Variants in TOX3 observed in about 807,000 individuals in gnomAD.
The protein encoded by TOX3 is TOX high mobility group box family member 3.
In TOX3, 22 loss-of-function variants were observed where a neutral mutation model predicts 64.3. The observed-to-expected ratio is 0.34, with a 90% CI of 0.24 to 0.49. The LOEUF is 0.49. Ranked by LOEUF, TOX3 falls within the 20% of genes least tolerant of loss-of-function variation. The pLI, the probability that TOX3 is intolerant of heterozygous loss-of-function variation, is 0.99. For missense variants in TOX3, 661 were observed against 714.4 expected (o/e 0.93, Z 0.85); for synonymous variants, 291 against 273.6 (o/e 1.06, Z -0.63).
chr16:52,447,523 A>G (rs1960197975), intron 4 of TOX3, among the ~76,000 whole-genome samples: 1 of 152,174 alleles, frequency 6.6e-6, no homozygotes, highest in Non-Finnish European at 1.5e-5. Flanking sequence ...CCTCTAGGTG[A>G]GCCTACTGTT....
chr16:52,547,632 T>C (rs1389737863), upstream of TOX3: 2 of 152,080 alleles, frequency 1.3e-5, no homozygotes, highest in Non-Finnish European at 2.9e-5. Flanking sequence ...CTTTCGAATG[T>C]CCCCTGCGTG....
At chr16:52,480,881 C>T (rs76160034) in intron 1 of TOX3, among the ~76,000 whole-genome samples, 9,110 of 149,758 alleles carry the variant, frequency 0.061, 851 homozygotes, top group African/African-American at 0.2. Context: ...TGATTCTCTG[C>T]CGGGGCAATT....
intron 3 of TOX3, among the ~76,000 whole-genome samples, chr16:52,459,600 CTAAA>C (rs1007438086): frequency 3.9e-5 from 6 of 152,246 alleles, no homozygotes; most frequent in Non-Finnish European, 7.4e-5. Flanking sequence ...CCCCCCATGG[CTAAA>C]TAGTCATCAT....
In TOX3 at chr16:52,450,334, T is replaced by C. The variant is rs536092692; in HGVS notation, c.621A>G (p.Ser207=). Residue 207 remains serine, a synonymous_variant, in exon 4 of 7, where the codon TCA becomes TCG. Coordinates refer to ENST00000219746, the MANE Select transcript of TOX3 (RefSeq NM_001080430.4). ...HTSPSPPASK[S]ATPSPSSSIN... is the part of the protein sequence containing the mutation. ...TGGAGCTGGAAGGGGAGGGAGTGGC[T>C]GATTTGCTTGCTGGAGGTGAAGGAG... is the stretch of plus-strand genomic sequence containing the variant. The C allele has an allele frequency of 6.2e-7, 1 of 1,613,984 alleles. No homozygotes were observed. The highest frequency in any genetic ancestry group is 2.2e-5 in the East Asian group (1 of 44,864).
intron 1 of TOX3, among the ~76,000 whole-genome samples, chr16:52,530,757 T>G (rs45461091): frequency 6.6e-6 from 1 of 151,920 alleles, no homozygotes; most frequent in Non-Finnish European, 1.5e-5. Flanking sequence ...CTCCCATCCA[T>G]TGCATTCTTC....
At chr16:52,467,292 G>T (rs377454418) in intron 2 of TOX3, among the ~76,000 whole-genome samples, 14 of 152,022 alleles carry the variant, frequency 9.2e-5, no homozygotes, top group African/African-American at 3.4e-4. Flanking sequence ...ACATCATGTC[G>T]TCCTTACAGA....
intron 1 of TOX3, among the ~76,000 whole-genome samples, chr16:52,545,350 T>C (rs1342666646): frequency 6.6e-6 from 1 of 152,222 alleles, no homozygotes. Flanking sequence ...TGGGCGATGA[T>C]GACACGCGAG....
At chr16:52,534,866 C>G (rs1962917035) in intron 1 of TOX3, among the ~76,000 whole-genome samples, 1 of 152,080 alleles carries the variant, frequency 6.6e-6, no homozygotes, top group African/African-American at 2.4e-5. Context: ...TACAAAAACT[C>G]AGGAAAAATT....
At chr16:52,529,069 G>A (rs985106455) in intron 1 of TOX3, among the ~76,000 whole-genome samples, 6 of 152,184 alleles carry the variant, frequency 3.9e-5, no homozygotes, top group Non-Finnish European at 7.3e-5. Flanking sequence ...CACAGTCTTC[G>A]GGTAAAATCT....
rs760052010 is a variant in TOX3, at chr16:52,490,626, A to ATTTTTTTTTCTT, written c.88-22053_88-22052insAAGAAAAAAAAA. The stretch of plus-strand genomic sequence containing the variant: ...ACTGAGACCTTCCTTCTAGGATGTA[A>ATTTTTTTTTCTT]TTTTTTTTTTTTTTTTTTTTTAATA... On this transcript the variant is annotated intron_variant, in intron 1 of 6. Transcript: ENST00000219746. Among the ~76,000 whole-genome samples the ATTTTTTTTTCTT allele has an allele frequency of 3.7e-4, 37 of 99,060 alleles. 1 individual carries two copies. Among genetic ancestry groups the ATTTTTTTTTCTT allele is most frequent in the South Asian group, 4.1e-4 (1 of 2,410 alleles). The allele number at this position is 99,060 out of a possible 152,430, so 65.0% of individuals were successfully genotyped here.
intron 1 of TOX3, among the ~76,000 whole-genome samples, chr16:52,487,312 A>AT (rs1369557108): frequency 6.6e-6 from 1 of 151,602 alleles, no homozygotes; most frequent in African/African-American, 2.4e-5. Context: ...ATGGAAAAAA[A>AT]AAAAAGAAAG....
At chr16:52,446,310 G>A in intron 4 of TOX3, 89 bp from the exon 5 acceptor site, 1 of 1,347,864 alleles carries the variant, frequency 7.4e-7, no homozygotes, top group Non-Finnish European at 1.0e-6. Flanking sequence ...GTTCTTTGAA[G>A]GTTTTGTTAG....
intron 1 of TOX3, among the ~76,000 whole-genome samples, chr16:52,519,153 G>A (rs1962532138): frequency 6.6e-6 from 1 of 152,214 alleles, no homozygotes; most frequent in African/African-American, 2.4e-5. Flanking sequence ...GCACCAGACA[G>A]ATGGATGGGC....
chr16:52,527,835 G>A (rs1350195166), intron 1 of TOX3, among the ~76,000 whole-genome samples: 1 of 152,096 alleles, frequency 6.6e-6, no homozygotes, highest in African/African-American at 2.4e-5. Context: ...GAAAGTTTTC[G>A]AAAATATTCT....
chr16:52,451,933 C>G (rs576387788), intron 3 of TOX3, among the ~76,000 whole-genome samples: 2 of 152,184 alleles, frequency 1.3e-5, no homozygotes, highest in Admixed American at 1.3e-4. Context: ...ATTGAGGGGG[C>G]TTGTCCTGCA....
intron 1 of TOX3, among the ~76,000 whole-genome samples, chr16:52,529,285 C>T (rs1962796064): frequency 6.6e-6 from 1 of 152,072 alleles, no homozygotes; most frequent in Non-Finnish European, 1.5e-5. Context: ...TTGTATCCAC[C>T]TTTATAAAAA....
chr16:52,477,421 A>C (rs745360633), intron 1 of TOX3, among the ~76,000 whole-genome samples: 7 of 152,202 alleles, frequency 4.6e-5, no homozygotes, highest in Non-Finnish European at 8.8e-5. Context: ...TGTGAGATGC[A>C]CAAGAGTAGT....
In TOX3 at chr16:52,481,947, G is replaced by A. The variant is rs113879152; in HGVS notation, c.88-13373C>T. On this transcript the variant is annotated intron_variant, in intron 1 of 6. Transcript: ENST00000219746. Reference sequence around the variant, plus strand: ...CCACTTCCGACGAGGTCTTAGGGCAGGAAGGACAGAAATCACATTCCTCCC... The same window carrying A: ...CCACTTCCGACGAGGTCTTAGGGCAAGAAGGACAGAAATCACATTCCTCCC... 2.9e-3 allele frequency among the ~76,000 whole-genome samples: 434 copies of A among 152,216 alleles called. 3 individuals are homozygous for A. Among genetic ancestry groups the A allele is most frequent in the African/African-American group, 0.01 (416 of 41,542 alleles).
In TOX3 at chr16:52,439,658, C is replaced by T. The variant is rs775772232; in HGVS notation, c.1298G>A (p.Ser433Asn). 1.5e-5 allele frequency: 24 copies of T among 1,613,738 alleles called. No individual in the cohort carries two copies. The highest frequency in any genetic ancestry group is 5.0e-5 in the Admixed American group (3 of 59,990). ...MVGSAPSTQVSPSVQTQQHQM... is the reference protein window; with the variant it reads ...MVGSAPSTQVNPSVQTQQHQM... ...ATGCTGCTGGGTTTGCACCGAAGGA[C>T]TCACTTGGGTGGAGGGTGCTGAGCC... is the stretch of plus-strand genomic sequence containing the variant. Residue 433 changes from serine (S) to asparagine (N), a missense_variant, in exon 7 of 7, where the codon AGT becomes AAT. Ser to Asn is a conservative substitution (Grantham distance 46). Coordinates refer to ENST00000219746, the MANE Select transcript of TOX3 (RefSeq NM_001080430.4).
Sources: allele counts gnomAD v4.1 joint callset (sites outside exome capture counted in the v4.1 genomes callset), GRCh38; gene constraint gnomAD v4.1.1; transcripts MANE v1.5; gene names NCBI Gene and HGNC (gene_info 2026-07-23, HGNC 2026-07-21).